SLC2A14: variants seen among roughly 807,000 people sequenced by gnomAD.
The protein encoded by SLC2A14 is solute carrier family 2 member 14.
Under a neutral mutation model 43.0 loss-of-function variants are expected in SLC2A14, and 13 were observed. The observed-to-expected ratio is 0.30, with a 90% confidence interval of 0.20 to 0.48. The LOEUF is 0.48. Among genes scored for constraint, SLC2A14 ranks in the 20% least tolerant of loss-of-function variants. The pLI is 0.99. For synonymous variants in SLC2A14, 190 were observed against 233.8 expected (o/e 0.81, Z 1.71); for missense variants, 428 against 620.4 (o/e 0.69, Z 3.29).
intron 2 of SLC2A14, chr12:7,863,461 T>C (rs982215452): frequency 4.7e-5 from 21 of 451,518 alleles, no homozygotes; most frequent in Non-Finnish European, 9.3e-5. Context: ...TCCATCTCTA[T>C]TAAAAATACA....
intron 2 of SLC2A14, among the ~76,000 whole-genome samples, chr12:7,868,213 A>G (rs1720584828): frequency 6.6e-6 from 1 of 152,196 alleles, no homozygotes; most frequent in Non-Finnish European, 1.5e-5. Context: ...AGGCAAAAAG[A>G]TTATGACATG....
intron 7 of SLC2A14, among the ~76,000 whole-genome samples, chr12:7,825,198 T>G (rs186117368): frequency 3.8e-4 from 58 of 151,610 alleles, no homozygotes; most frequent in Non-Finnish European, 7.1e-4. Flanking sequence ...TGGTGGCTCA[T>G]GCCTGTAATC....
rs200932114 is a variant in SLC2A14, at chr12:7,831,783, G to C, written c.112-19C>G. 1.7e-5 allele frequency: 28 copies of C among 1,613,964 alleles called. No homozygotes were observed. The East Asian group carries it at 5.6e-4, about 32-fold the overall frequency. ...TTATGATCTGCAAAATAAAAGGTGG[G>C]AGGACAGACTATTACAGTTGGATGA... is the stretch of plus-strand genomic sequence containing the variant. On this transcript the variant is annotated intron_variant, in intron 3 of 10. Coordinates refer to ENST00000431042, the MANE Select transcript of SLC2A14 (RefSeq NM_001286234.2).
At chr12:7,861,256 G>C (rs909379266) in intron 2 of SLC2A14, among the ~76,000 whole-genome samples, 1 of 151,980 alleles carries the variant, frequency 6.6e-6, no homozygotes, top group Admixed American at 6.6e-5. Context: ...TTTTTGGTGG[G>C]GGGGAGGCTT....
In SLC2A14 at chr12:7,868,652, G is replaced by GA. The variant is rs201461468; in HGVS notation, c.18+1210dup. On this transcript the variant is annotated intron_variant, in intron 2 of 10. Transcript: ENST00000431042. ...CATGAAGAACTACTACATCTTCCCA[G>GA]AAAAAAGCTACATATTAGCCTGTAA... is the stretch of plus-strand genomic sequence containing the variant. Among the ~76,000 whole-genome samples the GA allele has an allele frequency of 5.7e-3, 864 of 152,158 alleles. 4 individuals carry two copies. The highest frequency in any genetic ancestry group is 0.019 in the African/African-American group (792 of 41,512).
At chr12:7,843,988 A>G (rs1866236907) in intron 2 of SLC2A14, among the ~76,000 whole-genome samples, 1 of 151,462 alleles carries the variant, frequency 6.6e-6, no homozygotes, top group Non-Finnish European at 1.5e-5. Context: ...TTTCTACTTT[A>G]CTGAAGGGCA....
intron 2 of SLC2A14, among the ~76,000 whole-genome samples, chr12:7,835,215 C>T (rs1022516632): frequency 2.6e-5 from 4 of 151,930 alleles, no homozygotes; most frequent in African/African-American, 4.8e-5. Context: ...GGTGAAAGCC[C>T]GTCTCTACTA....
intron 2 of SLC2A14, among the ~76,000 whole-genome samples, chr12:7,838,381 C>T (rs11056048): frequency 2.0e-5 from 3 of 152,092 alleles, no homozygotes; most frequent in Admixed American, 1.3e-4. Context: ...CCAACGTGCC[C>T]GGTCCACAAT....
chr12:7,820,858 A>C (rs1207196887), intron 8 of SLC2A14, among the ~76,000 whole-genome samples: 1 of 152,120 alleles, frequency 6.6e-6, no homozygotes, highest in Non-Finnish European at 1.5e-5. Context: ...AGGCCTAGGC[A>C]GGTGGATCAC....
intron 2 of SLC2A14, among the ~76,000 whole-genome samples, chr12:7,860,160 A>G (rs1944468220): frequency 6.6e-6 from 1 of 152,104 alleles, no homozygotes; most frequent in African/African-American, 2.4e-5. Context: ...CCCTGGAGAA[A>G]AACTGGAAGT....
intron 7 of SLC2A14, 49 bp downstream of exon 7, chr12:7,827,446 T>C (rs1487101942): frequency 1.3e-5 from 21 of 1,588,710 alleles, no homozygotes; most frequent in Non-Finnish European, 1.7e-5. Context: ...GCCTGGCATT[T>C]TAAGTGAAAT....
intron 2 of SLC2A14, among the ~76,000 whole-genome samples, chr12:7,835,206 G>A (rs1211509743): frequency 6.6e-6 from 1 of 152,044 alleles, no homozygotes; most frequent in Non-Finnish European, 1.5e-5. Flanking sequence ...GACCAGTATG[G>A]TGAAAGCCCG....
At chr12:7,882,131 T>C (rs962134880) in intron 1 of SLC2A14, among the ~76,000 whole-genome samples, 5 of 152,062 alleles carry the variant, frequency 3.3e-5, no homozygotes, top group Non-Finnish European at 7.4e-5. Context: ...TTGTTGCTGC[T>C]CAGTTTTTGG....
In SLC2A14 at chr12:7,827,545, T is replaced by C. The variant is rs1378132787; in HGVS notation, c.814A>G (p.Ile272Val). Residue 272 changes from isoleucine to valine, a missense_variant, in exon 7 of 11, where the codon ATC becomes GTC. Coordinates refer to ENST00000431042, the MANE Select transcript of SLC2A14 (RefSeq NM_001286234.2). ...FRVSSYRQPIIISIVLQLSQQ... is the reference protein window; with the variant it reads ...FRVSSYRQPIVISIVLQLSQQ... The stretch of plus-strand genomic sequence containing the variant: ...GAGAGCTGGAGCACAATGGAAATGA[T>C]GATGGGCTGTCGGTAGCTGGACACT... 2.5e-6 allele frequency: 4 copies of C among 1,612,880 alleles called. No individual in the cohort carries two copies. The highest frequency in any genetic ancestry group is 3.4e-6 in the Non-Finnish European group (4 of 1,179,810).
intron 2 of SLC2A14, chr12:7,863,555 G>A: frequency 2.8e-6 from 1 of 358,180 alleles, no homozygotes; most frequent in Non-Finnish European, 5.6e-6. Flanking sequence ...CCAGGACACA[G>A]AGGTTGCAGT....
chr12:7,865,561 A>T (rs977590794), intron 2 of SLC2A14, among the ~76,000 whole-genome samples: 5 of 151,966 alleles, frequency 3.3e-5, no homozygotes, highest in East Asian at 1.9e-4. Context: ...AAATAAAAAT[A>T]AAAAAAGACA....
chr12:7,851,881 G>C (rs1490415802), intron 2 of SLC2A14, among the ~76,000 whole-genome samples: 1 of 152,200 alleles, frequency 6.6e-6, no homozygotes, highest in Non-Finnish European at 1.5e-5. Context: ...CCCAGGAAAA[G>C]ATTCCAATGT....
intron 1 of SLC2A14, among the ~76,000 whole-genome samples, chr12:7,881,165 C>A (rs1945563693): frequency 6.6e-6 from 1 of 152,160 alleles, no homozygotes; most frequent in African/African-American, 2.4e-5. Flanking sequence ...TCTGCCTGGG[C>A]TCCCACTTTG....
chr12:7,824,972 G>A (rs1313254622), intron 7 of SLC2A14, among the ~76,000 whole-genome samples: 2 of 151,890 alleles, frequency 1.3e-5, no homozygotes, highest in African/African-American at 4.8e-5. Flanking sequence ...TGGGATTAGA[G>A]GCATGAGCCA....
Sources: gnomAD v4.1 joint callset for allele counts (sites outside exome capture counted in the v4.1 genomes callset) on GRCh38, gnomAD v4.1.1 for gene constraint, MANE v1.5 for transcripts, NCBI Gene and HGNC (gene_info 2026-07-23, HGNC 2026-07-21) for gene names.